The following ZBTB20 variants were observed in gnomAD, a reference collection of about 807,000 sequenced individuals.
ZBTB20 encodes zinc finger and BTB domain containing 20, also known as zinc finger and BTB domain-containing protein 20.
Under a neutral mutation model 56.9 loss-of-function variants are expected in ZBTB20, and 9 were observed. The observed-to-expected ratio is 0.16, with a 90% CI of 0.10 to 0.28. ZBTB20 has a LOEUF of 0.28. Ranked by LOEUF, ZBTB20 falls within the 10% of genes least tolerant of loss-of-function variation. ZBTB20 has a pLI of 1.00. For missense variants in ZBTB20, 655 were observed against 1,003.0 expected, an observed-to-expected ratio of 0.65 and a Z score of 4.69; for synonymous variants, 417 against 420.7, an observed-to-expected ratio of 0.99 and a Z score of 0.11.
chr3:114,725,333 G>A (rs2065195858), intron 5 of ZBTB20, among the ~76,000 whole-genome samples: 1 of 152,050 alleles, frequency 6.6e-6, no homozygotes, highest in Non-Finnish European at 1.5e-5. Context: ...CATCACTACT[G>A]GGTACATGTA....
intron 7 of ZBTB20, among the ~76,000 whole-genome samples, chr3:114,480,734 C>A (rs1342230794): frequency 1.3e-5 from 2 of 152,082 alleles, no homozygotes; most frequent in African/African-American, 4.8e-5. Flanking sequence ...TGACACAATA[C>A]ATATTTCAAG....
chr3:114,476,373 T>C (rs2040766357), intron 7 of ZBTB20, among the ~76,000 whole-genome samples: 1 of 152,238 alleles, frequency 6.6e-6, no homozygotes, highest in Admixed American at 6.5e-5. Flanking sequence ...GTTTGAAATA[T>C]CTAGAACAAA....
intron 2 of ZBTB20, among the ~76,000 whole-genome samples, chr3:115,008,882 T>G (rs536477750): frequency 6.6e-6 from 1 of 151,962 alleles, no homozygotes; most frequent in Non-Finnish European, 1.5e-5. Context: ...CTCAGCTGCT[T>G]TCTAAGTAAT....
chr3:114,572,122 AT>A (rs1426898135), intron 6 of ZBTB20, among the ~76,000 whole-genome samples: 1 of 152,222 alleles, frequency 6.6e-6, no homozygotes, highest in African/African-American at 2.4e-5. Flanking sequence ...GAAAACTGAA[AT>A]TCAGAGAGAC....
At chr3:115,134,360 GCTCT>G (rs2084595832) in intron 1 of ZBTB20, among the ~76,000 whole-genome samples, 2 of 152,066 alleles carry the variant, frequency 1.3e-5, no homozygotes, top group Non-Finnish European at 2.9e-5. Context: ...CAAAATCTCT[GCTCT>G]CTAAAACTCA....
At chr3:114,394,139 T>G (rs1304978647) in intron 7 of ZBTB20, among the ~76,000 whole-genome samples, 1 of 152,240 alleles carries the variant, frequency 6.6e-6, no homozygotes, top group South Asian at 2.1e-4. Flanking sequence ...TATCAGGGAC[T>G]GCACCAGGCA....
intron 4 of ZBTB20, chr3:114,861,701 A>AC (rs1560333828): frequency 2.7e-4 from 14 of 52,568 alleles, no homozygotes; most frequent in African/African-American, 4.6e-4. Flanking sequence ...ACACACACAC[A>AC]AACACACACA....
intron 5 of ZBTB20, among the ~76,000 whole-genome samples, chr3:114,749,730 C>T (rs536473415): frequency 5.3e-5 from 8 of 152,236 alleles, no homozygotes; most frequent in South Asian, 2.1e-4. Context: ...AAAGGATGAA[C>T]GTTAGTCTTA....
intron 5 of ZBTB20, among the ~76,000 whole-genome samples, chr3:114,758,301 T>C (rs2068163686): frequency 6.6e-6 from 1 of 152,140 alleles, no homozygotes. Context: ...AACTAGTCTC[T>C]CCTGTCTTAC....
chr3:114,958,852 G>GAA (rs1329885839), intron 3 of ZBTB20, among the ~76,000 whole-genome samples: 4 of 119,876 alleles, frequency 3.3e-5, no homozygotes, highest in African/African-American at 1.2e-4. Flanking sequence ...GTCTGTCTCA[G>GAA]AAAAAAAAAA....
At chr3:114,665,633 A>T (rs2061005097) in intron 6 of ZBTB20, among the ~76,000 whole-genome samples, 1 of 152,070 alleles carries the variant, frequency 6.6e-6, no homozygotes, top group South Asian at 2.1e-4. Context: ...TCTGTACTTC[A>T]AATGCCATGT....
At chr3:114,546,558 CTTTT>C (rs10719460) in intron 6 of ZBTB20, among the ~76,000 whole-genome samples, 2 of 141,130 alleles carry the variant, frequency 1.4e-5, no homozygotes, top group Admixed American at 7.1e-5. Flanking sequence ...CAACATACAC[CTTTT>C]TTTTTTTTTT....
At chr3:114,425,592 T>A (rs566097601) in intron 7 of ZBTB20, among the ~76,000 whole-genome samples, 1 of 152,202 alleles carries the variant, frequency 6.6e-6, no homozygotes, top group Non-Finnish European at 1.5e-5. Context: ...TTACCTTTTG[T>A]AACTCTTAAA....
chr3:114,729,701 T>C (rs1026485251), intron 5 of ZBTB20, among the ~76,000 whole-genome samples: 1 of 152,180 alleles, frequency 6.6e-6, no homozygotes, highest in African/African-American at 2.4e-5. Context: ...AAAACATTTA[T>C]TGAAAGAAAA....
At position 114,935,504 on chromosome 3, in the gene ZBTB20, T is replaced by TA. The variant is rs1333507709; in HGVS notation, c.-455-35163dup. ...TCCTTCCAATTAAGATTTTCTTTTT[T>TA]AAAAAAAATTAGGTTAAAGCAAAAA... On this transcript the variant is annotated intron_variant, in intron 3 of 11. Transcript: ENST00000675478. 2.3e-4 allele frequency among the ~76,000 whole-genome samples: 35 copies of TA among 152,236 alleles called. 1 individual carries two copies. In the East Asian group the frequency reaches 4.4e-3, roughly 19 times the overall value.
At chr3:114,497,111 G>C (rs1039748885) in intron 7 of ZBTB20, among the ~76,000 whole-genome samples, 3 of 152,194 alleles carry the variant, frequency 2.0e-5, no homozygotes, top group African/African-American at 7.2e-5. Context: ...GCCAAGATAT[G>C]CTGGAATTAC....
chr3:114,338,951 TTTG>T lies in ZBTB20; in HGVS notation c.*51_*53del. On this transcript the variant is annotated 3_prime_UTR_variant, in exon 12 of 12. Transcript: ENST00000675478. ...TCTAGTGCCATAGCTTTTTTGTTTG[TTTG>T]TTTTTTGTTGTTGTTTTGTTTTGTT... is the stretch of plus-strand genomic sequence containing the variant. The T allele has an allele frequency of 1.4e-6, 2 of 1,448,866 alleles. No homozygotes were observed. Among genetic ancestry groups the T allele is most frequent in the Middle Eastern group, 1.9e-4 (1 of 5,388 alleles). The allele number at this position is 1,448,866 out of a possible 1,614,324, so 89.8% of individuals were successfully genotyped here. A position where few individuals can be genotyped will look rare whatever the true frequency, so the allele number is the denominator to read the frequency against.
intron 6 of ZBTB20, among the ~76,000 whole-genome samples, chr3:114,560,943 T>A (rs1367244599): frequency 6.6e-6 from 1 of 152,216 alleles, no homozygotes; most frequent in Admixed American, 6.5e-5. Context: ...AACTCTGCCA[T>A]CGCATTATCA....
intron 4 of ZBTB20, among the ~76,000 whole-genome samples, chr3:114,870,036 G>A (rs575375804): frequency 2.9e-4 from 44 of 152,230 alleles, no homozygotes; most frequent in African/African-American, 1.1e-3. Flanking sequence ...ATTAAAGCAT[G>A]TACATATACG....
Sources: allele counts gnomAD v4.1 joint callset (sites outside exome capture counted in the v4.1 genomes callset), GRCh38; gene constraint gnomAD v4.1.1; transcripts MANE v1.5; gene names NCBI Gene and HGNC (gene_info 2026-07-23, HGNC 2026-07-21).